The following PLVAP variants were observed in gnomAD, a reference collection of about 807,000 sequenced individuals.
The protein encoded by PLVAP is plasmalemma vesicle-associated protein.
Under a neutral mutation model 43.1 loss-of-function variants are expected in PLVAP, and 34 were observed. The ratio of observed to expected loss-of-function variants is 0.79; its 90% CI spans 0.60 to 1.05. The LOEUF is 1.05. Ranked by LOEUF, PLVAP falls within the 50% of genes least tolerant of loss-of-function variation. The probability of loss-of-function intolerance (pLI) is 0.00; values close to 1 mark genes in which losing one functional copy is unlikely to be tolerated. For missense variants in PLVAP, 574 were observed against 593.4 expected (o/e 0.97, Z 0.34); for synonymous variants, 241 against 237.3 (o/e 1.02, Z -0.14).
At chr19:17,368,670 C>T (rs2074559746) in intron 1 of PLVAP, among the ~76,000 whole-genome samples, 1 of 151,988 alleles carries the variant, frequency 6.6e-6, no homozygotes, top group African/African-American at 2.4e-5. Flanking sequence ...ATGCCACCTG[C>T]AAGCCAAGTA....
chr19:17,361,690 C>T (rs538319511), intron 3 of PLVAP, among the ~76,000 whole-genome samples: 7 of 152,280 alleles, frequency 4.6e-5, no homozygotes, highest in Admixed American at 1.3e-4. Context: ...TCAGCCTAAA[C>T]CCAGTCCTAA....
Position 17,365,960 on chromosome 19 carries a change from C to G in PLVAP, c.505G>C (p.Glu169Gln), listed in dbSNP as rs758159511. The G allele has an allele frequency of 6.2e-7, 1 of 1,613,958 alleles. No homozygotes were observed. Among genetic ancestry groups the G allele is most frequent in the Non-Finnish European group, 8.5e-7 (1 of 1,179,928 alleles). Residue 169 changes from glutamate (E) to glutamine (Q), a missense_variant, in exon 3 of 6, where the codon GAG (glutamate) becomes CAG (glutamine). Coordinates refer to ENST00000252590, the MANE Select transcript of PLVAP (RefSeq NM_031310.3). ...GTCTTCTCCTTGGCTATCTCCACCT[C>G]CAGCGTCTTCACCTTCTGATTCAGC... ...FMLNQKVKTL[E>Q]VEIAKEKTIC...
chr19:17,374,113 G>A (rs1031537152), intron 1 of PLVAP, among the ~76,000 whole-genome samples: 1 of 152,014 alleles, frequency 6.6e-6, no homozygotes, highest in African/African-American at 2.4e-5. Flanking sequence ...AGTGAGCCGA[G>A]ACCTTCCACT....
intron 3 of PLVAP, among the ~76,000 whole-genome samples, chr19:17,364,340 C>T (rs1400109107): frequency 6.6e-6 from 1 of 152,094 alleles, no homozygotes; most frequent in African/African-American, 2.4e-5. Flanking sequence ...CTGCCTCCGC[C>T]TCCCAAAGTG....
chr19:17,360,665 G>T, intron 4 of PLVAP, 56 bp from the exon 5 acceptor site: 2 of 1,588,374 alleles, frequency 1.3e-6, no homozygotes, highest in Non-Finnish European at 8.6e-7. Context: ...CCTGCCCCTG[G>T]GCTAGGGATG....
intron 1 of PLVAP, among the ~76,000 whole-genome samples, chr19:17,374,333 C>T (rs950362513): frequency 6.6e-5 from 10 of 151,860 alleles, no homozygotes; most frequent in Non-Finnish European, 1.2e-4. Context: ...GGCATGACGG[C>T]GGGCGCCTGT....
At chr19:17,376,785 G>T in intron 1 of PLVAP, 135 bp downstream of exon 1, 1 of 931,180 alleles carries the variant, frequency 1.1e-6, no homozygotes, top group Non-Finnish European at 1.6e-6. Context: ...GAGACGGAGC[G>T]AGACTCTGTC....
rs188880467 is a variant in PLVAP, at chr19:17,374,967, T to C, written c.369+1953A>G. Among the ~76,000 whole-genome samples, 690 of 152,174 alleles carry C rather than the reference T, an allele frequency of 4.5e-3. 6 individuals carry two copies. Among genetic ancestry groups the C allele is most frequent in the African/African-American group, 0.016 (659 of 41,526 alleles). On this transcript the variant is annotated intron_variant, in intron 1 of 5. Coordinates refer to ENST00000252590, the MANE Select transcript of PLVAP (RefSeq NM_031310.3). ...CCGAGTAGCTGGGACTACAGGCACA[T>C]ACCACCATACCCGGCTAATAATTTT...
At position 17,377,250 on chromosome 19, in the gene PLVAP, C is replaced by CGG; in HGVS notation, c.38_39insCC (p.Ala14ArgfsTer42). The CGG allele has an allele frequency of 6.2e-7, 1 of 1,613,952 alleles. No individual in the cohort carries two copies. The highest frequency in any genetic ancestry group is 8.5e-7 in the Non-Finnish European group (1 of 1,179,914). ...AGCAGCCCCGAGAGCTGCCCCCCGC[C>CGG]CGAGCGTAGGACCCTCCGTGCTCCA... On this transcript the variant is annotated frameshift_variant, in exon 1 of 6. Coordinates refer to ENST00000252590, the MANE Select transcript of PLVAP (RefSeq NM_031310.3). LOFTEE classifies it high-confidence loss of function.
At chr19:17,360,855 G>T (rs755260763) in intron 3 of PLVAP, 23 bp from the exon 4 acceptor site, 1 of 1,605,826 alleles carries the variant, frequency 6.2e-7, no homozygotes, top group East Asian at 2.2e-5. Flanking sequence ...GATGGAGGGA[G>T]GTTGGTAGGA....
intron 5 of PLVAP, among the ~76,000 whole-genome samples, chr19:17,359,000 A>G (rs968088776): frequency 6.6e-6 from 1 of 151,838 alleles, no homozygotes; most frequent in Non-Finnish European, 1.5e-5. Flanking sequence ...GGGTTTTGCT[A>G]TGTTGCCCAG....
chr19:17,360,885 G>T (rs1458915577), intron 3 of PLVAP, 53 bp from the exon 4 acceptor site: 4 of 1,453,876 alleles, frequency 2.8e-6, no homozygotes, highest in Non-Finnish European at 3.8e-6. Flanking sequence ...TCCCAGACAG[G>T]CTTCTGCCTT....
intron 5 of PLVAP, among the ~76,000 whole-genome samples, chr19:17,357,478 C>T (rs963610487): frequency 6.6e-6 from 1 of 151,908 alleles, no homozygotes; most frequent in African/African-American, 2.4e-5. Flanking sequence ...GCCTGGGCAA[C>T]ATAGCAAGAC....
Position 17,376,991 on chromosome 19 carries a change from G to A in PLVAP, c.298C>T (p.Gln100Ter). ...TCGCGGCGAGCATTCAGCCACATCT[G>A]CATGATGGCATCCTTGGCGCGGGTG... ...FTTRAKDAIM[Q>*]MWLNARRDLD... Residue 100 changes from glutamine (Q) to a stop codon, truncating the protein, a stop_gained, in exon 1 of 6, where the codon CAG becomes TAG. Coordinates refer to ENST00000252590, the MANE Select transcript of PLVAP (RefSeq NM_031310.3). LOFTEE classifies it high-confidence loss of function. 6.2e-7 allele frequency: 1 copy of A among 1,614,126 alleles called. No homozygotes were observed. The highest frequency in any genetic ancestry group is 8.5e-7 in the Non-Finnish European group (1 of 1,180,032).
In PLVAP at chr19:17,365,471, G is replaced by A. The variant is rs763208613; in HGVS notation, c.994C>T (p.Arg332Trp). 33 of 1,612,616 alleles carry A rather than the reference G, an allele frequency of 2.0e-5. No homozygotes were observed. Among genetic ancestry groups the A allele is most frequent in the Admixed American group, 6.7e-5 (4 of 60,008 alleles). The change falls in exon 3 of 6, where the codon CGG becomes TGG. Residue 332 changes from arginine to tryptophan, a missense_variant. Arg to Trp is a moderately radical substitution (Grantham distance 101). Coordinates refer to ENST00000252590, the MANE Select transcript of PLVAP (RefSeq NM_031310.3). ...CATTCAGCTTGGAGCTTGGCCTCCC[G>A]GGCCTGAGCCTCCTTCTCCACCTTC... ...KQKVEKEAQA[R>W]EAKLQAECSR...
At chr19:17,352,472 G>T in intron 5 of PLVAP, 104 bp from the exon 6 acceptor site, 1 of 1,332,364 alleles carries the variant, frequency 7.5e-7, no homozygotes, top group Non-Finnish European at 1.1e-6. Flanking sequence ...ACAACATCCT[G>T]GGGACCCCGG....
intron 5 of PLVAP, among the ~76,000 whole-genome samples, chr19:17,354,273 C>T (rs2074497236): frequency 6.6e-6 from 1 of 151,308 alleles, no homozygotes; most frequent in Non-Finnish European, 1.5e-5. Context: ...CTGGGCAACA[C>T]AGCAAGACTC....
chr19:17,375,330 G>A (rs1046524888), intron 1 of PLVAP, among the ~76,000 whole-genome samples: 3 of 152,124 alleles, frequency 2.0e-5, no homozygotes, highest in African/African-American at 7.2e-5. Flanking sequence ...GGAGCTTCAT[G>A]CATAGTAAGT....
In PLVAP at chr19:17,360,699, A is replaced by G. The variant is rs1486112155; in HGVS notation, c.1240+73T>C. On this transcript the variant is annotated intron_variant, in intron 4 of 5. Transcript: ENST00000252590. ...TGGGCTGGCAGCCCAGGGGAGTGGG[A>G]AAGTGGGGCTGGGGTGGGGTTCGAG... 42 of 1,579,636 alleles carry G rather than the reference A, an allele frequency of 2.7e-5. No individual in the cohort carries two copies. In the East Asian group the frequency reaches 8.7e-4, roughly 33 times the overall value.
Sources: allele counts gnomAD v4.1 joint callset (sites outside exome capture counted in the v4.1 genomes callset), GRCh38; gene constraint gnomAD v4.1.1; transcripts MANE v1.5; gene names NCBI Gene and HGNC (gene_info 2026-07-23, HGNC 2026-07-21).